The following HTR7 variants were observed in gnomAD, a reference collection of about 807,000 sequenced individuals.
HTR7 encodes the protein 5-HT-7.
A neutral mutation model predicts 34.0 loss-of-function variants in HTR7; 16 were observed. That is an observed-to-expected ratio of 0.47 (90% confidence interval 0.32 to 0.71). The LOEUF is 0.71. Ranked by LOEUF, HTR7 falls within the 30% of genes least tolerant of loss-of-function variation. The pLI, the probability that HTR7 is intolerant of heterozygous loss-of-function variation, is 0.04. For missense variants in HTR7, 504 were observed against 625.5 expected, an observed-to-expected ratio of 0.81 and a Z score of 2.07; for synonymous variants, 265 against 260.2, an observed-to-expected ratio of 1.02 and a Z score of -0.18.
intron 1 of HTR7, among the ~76,000 whole-genome samples, chr10:90,761,633 CGTGTGTGT>C (rs3981197): frequency 3.7e-4 from 55 of 147,480 alleles, no homozygotes; most frequent in African/African-American, 1.2e-3. Context: ...TGTGTGTATG[CGTGTGTGT>C]GTGTGTGTGT....
intron 1 of HTR7, among the ~76,000 whole-genome samples, chr10:90,803,366 G>A (rs189796282): frequency 3.9e-4 from 60 of 152,218 alleles, no homozygotes; most frequent in African/African-American, 1.2e-3. Context: ...GCCTGCCAGC[G>A]CTTGGGAAGG....
At chr10:90,743,937 G>A (rs1844596075) in intron 2 of HTR7, 1 of 650,716 alleles carries the variant, frequency 1.5e-6, no homozygotes, top group African/African-American at 1.8e-5. Flanking sequence ...AACTCCTGAG[G>A]TTCTGGTTAT....
chr10:90,792,966 GA>G (rs1159885001), intron 1 of HTR7, among the ~76,000 whole-genome samples: 2 of 151,896 alleles, frequency 1.3e-5, no homozygotes, highest in Non-Finnish European at 2.9e-5. Flanking sequence ...AAAACATAAA[GA>G]AAAGCTTCAT....
At chr10:90,773,307 T>G (rs1056753428) in intron 1 of HTR7, among the ~76,000 whole-genome samples, 1 of 152,194 alleles carries the variant, frequency 6.6e-6, no homozygotes, top group African/African-American at 2.4e-5. Context: ...TTTTCCTCTA[T>G]AGGTGTCATT....
intron 1 of HTR7, among the ~76,000 whole-genome samples, chr10:90,856,333 CA>C (rs1846580672): frequency 6.6e-6 from 1 of 152,196 alleles, no homozygotes; most frequent in Non-Finnish European, 1.5e-5. Flanking sequence ...AGACTAGCTC[CA>C]TTTCAAAAGC....
intron 1 of HTR7, among the ~76,000 whole-genome samples, chr10:90,807,670 C>G (rs954837525): frequency 6.6e-6 from 1 of 152,214 alleles, no homozygotes; most frequent in African/African-American, 2.4e-5. Flanking sequence ...CGCAGGCACC[C>G]AGGTGATTAA....
intron 1 of HTR7, among the ~76,000 whole-genome samples, chr10:90,824,833 C>G (rs1846045069): frequency 6.6e-6 from 1 of 152,198 alleles, no homozygotes; most frequent in African/African-American, 2.4e-5. Context: ...CCTTGTGGCA[C>G]CAGCACAGAT....
intron 1 of HTR7, among the ~76,000 whole-genome samples, chr10:90,762,618 T>G (rs1844958160): frequency 6.6e-6 from 1 of 152,214 alleles, no homozygotes; most frequent in African/African-American, 2.4e-5. Context: ...TCCTTTTATG[T>G]GAAGAAGGTT....
chr10:90,754,362 A>G (rs770158606), intron 1 of HTR7, among the ~76,000 whole-genome samples: 2 of 152,116 alleles, frequency 1.3e-5, no homozygotes, highest in African/African-American at 2.4e-5. Context: ...CAAACCTTGT[A>G]TAGGATAAAT....
chr10:90,821,599 G>C (rs928370129), intron 1 of HTR7, among the ~76,000 whole-genome samples: 5 of 152,214 alleles, frequency 3.3e-5, no homozygotes, highest in Middle Eastern at 6.3e-3. Flanking sequence ...CTAGTGCTGT[G>C]CTGGGTTCAA....
chr10:90,787,173 A>G (rs1315776323), intron 1 of HTR7, among the ~76,000 whole-genome samples: 1 of 152,142 alleles, frequency 6.6e-6, no homozygotes, highest in African/African-American at 2.4e-5. Context: ...TGTGCCAGAC[A>G]CACTGGGGAT....
chr10:90,769,671 G>A (rs1400539640), intron 1 of HTR7, among the ~76,000 whole-genome samples: 1 of 152,160 alleles, frequency 6.6e-6, no homozygotes, highest in African/African-American at 2.4e-5. Context: ...AAATAGCCAT[G>A]AGGATAAATG....
chr10:90,824,222 C>G (rs1846033295), intron 1 of HTR7, among the ~76,000 whole-genome samples: 1 of 152,230 alleles, frequency 6.6e-6, no homozygotes, highest in Non-Finnish European at 1.5e-5. Context: ...TTCTGAGGTC[C>G]CCATTCCATT....
Position 90,857,623 on chromosome 10 carries a change from G to A in HTR7, c.49C>T (p.Arg17Cys), listed in dbSNP as rs372358945. The change falls in exon 1 of 4, where the codon CGC (arginine) becomes TGC (cysteine). Residue 17 changes from arginine to cysteine, a missense_variant. By Grantham distance (180) the Arg-to-Cys change is radical. This residue lies in a region of HTR7 where 139 missense variants were observed against 117.1 expected (regional missense o/e 1.19). Coordinates refer to ENST00000336152, the MANE Select transcript of HTR7 (RefSeq NM_019859.4). This position sits in a 1 kb window ranked among gnomAD's most constrained non-coding sequence, Gnocchi z 6.5. ...SGRPDLYGHL[R>C]SFLLPEVGRG... ...CCCACTTCTGGCAGAAGGAAAGAGC[G>A]GAGGTGCCCGTAGAGGTCCGGGCGG... 73 of 1,598,646 alleles carry A rather than the reference G, an allele frequency of 4.6e-5. No individual in the cohort carries two copies. In the East Asian group the frequency reaches 4.8e-4, roughly 10 times the overall value.
At chr10:90,853,894 A>G (rs534026979) in intron 1 of HTR7, among the ~76,000 whole-genome samples, 5 of 152,374 alleles carry the variant, frequency 3.3e-5, no homozygotes, top group African/African-American at 1.2e-4. Context: ...CCTGATGAGC[A>G]TCAAAGTCAT....
intron 1 of HTR7, among the ~76,000 whole-genome samples, chr10:90,765,344 T>C (rs936297701): frequency 1.3e-5 from 2 of 152,170 alleles, no homozygotes; most frequent in Admixed American, 6.5e-5. Context: ...TTATTCATCA[T>C]AGTCTCTTAT....
chr10:90,780,628 C>T (rs1845294222), intron 1 of HTR7, among the ~76,000 whole-genome samples: 2 of 151,392 alleles, frequency 1.3e-5, no homozygotes, highest in African/African-American at 2.4e-5. Context: ...TAAATGAATA[C>T]ACAAATAGCA....
At chr10:90,785,394 G>A (rs969215140) in intron 1 of HTR7, among the ~76,000 whole-genome samples, 2 of 152,098 alleles carry the variant, frequency 1.3e-5, no homozygotes, top group Non-Finnish European at 2.9e-5. Flanking sequence ...AAGTGGCAGA[G>A]ACATGTATTT....
At chr10:90,757,219 A>C (rs1041257564) in intron 1 of HTR7, among the ~76,000 whole-genome samples, 8 of 152,248 alleles carry the variant, frequency 5.3e-5, no homozygotes, top group African/African-American at 1.9e-4. Context: ...GCAGTACTCA[A>C]GAAACAGGGT....
Sources: allele counts gnomAD v4.1 joint callset (sites outside exome capture counted in the v4.1 genomes callset), GRCh38; gene constraint gnomAD v4.1.1; regional missense constraint gnomAD v4.1.1; non-coding constraint Gnocchi (gnomAD v3.1); transcripts MANE v1.5; gene names NCBI Gene and HGNC (gene_info 2026-07-23, HGNC 2026-07-21).